Variants in CTNNAL1 observed in about 807,000 individuals in gnomAD.
CTNNAL1 encodes catenin alpha like 1, also known as alpha-catulin.
CTNNAL1 carries 69 observed loss-of-function variants against 93.6 expected under a neutral mutation model. That is an observed-to-expected ratio of 0.74 (90% CI 0.61 to 0.90). The LOEUF (loss-of-function observed/expected upper bound fraction) is 0.90, where lower values mean the gene tolerates loss of function less well. CTNNAL1 is among the 40% of genes least tolerant of loss of function. The pLI, the probability that CTNNAL1 is intolerant of heterozygous loss-of-function variation, is 0.00. For synonymous variants in CTNNAL1, 286 were observed against 305.4 expected, an observed-to-expected ratio of 0.94 and a Z score of 0.66; for missense variants, 836 against 862.0, an observed-to-expected ratio of 0.97 and a Z score of 0.38.
intron 11 of CTNNAL1, 60 bp from the exon 12 acceptor site, chr9:108,955,887 A>G: frequency 9.3e-7 from 1 of 1,077,760 alleles, no homozygotes. Flanking sequence ...TCTATTATTC[A>G]TAGTTAACTT....
chr9:108,943,606 A>G, intron 17 of CTNNAL1, 97 bp downstream of exon 17: 1 of 923,448 alleles, frequency 1.1e-6, no homozygotes, highest in South Asian at 1.9e-5. Context: ...AAGGAAATAA[A>G]TTGCCCTTCT....
intron 1 of CTNNAL1, among the ~76,000 whole-genome samples, chr9:109,005,711 G>A (rs145052344): frequency 1.2e-4 from 19 of 152,262 alleles, no homozygotes; most frequent in African/African-American, 4.3e-4. Context: ...ATAGCAATCC[G>A]AACAGATTAA....
In CTNNAL1 at chr9:108,983,288, A is replaced by T. The variant is rs1456372498; in HGVS notation, c.757T>A (p.Ser253Thr). 16 of 1,560,506 alleles carry T rather than the reference A, an allele frequency of 1.0e-5. No individual in the cohort carries two copies. The highest frequency in any genetic ancestry group is 1.4e-5 in the Non-Finnish European group (16 of 1,154,826). ...KTCLRHPNCESAHKNKEGVFD... is the reference protein window; with the variant it reads ...KTCLRHPNCETAHKNKEGVFD... ...ACTCCTTCTTTGTTTTTATGGGCTG[A>T]TTCGCAGTTAGGATGCCTCAGACAT... The change falls in exon 6 of 19, where the codon TCA becomes ACA. Residue 253 changes from serine (S) to threonine (T), a missense_variant. By Grantham distance (58) the Ser-to-Thr change is moderately conservative. Coordinates refer to ENST00000325551, the MANE Select transcript of CTNNAL1 (RefSeq NM_003798.4).
chr9:108,962,269 C>T (rs1271619217), intron 11 of CTNNAL1, among the ~76,000 whole-genome samples: 1 of 152,178 alleles, frequency 6.6e-6, no homozygotes, highest in Non-Finnish European at 1.5e-5. Flanking sequence ...GAGATGGCAG[C>T]TACTATTATT....
intron 4 of CTNNAL1, among the ~76,000 whole-genome samples, chr9:108,987,900 G>A (rs1831665721): frequency 1.3e-5 from 2 of 152,216 alleles, no homozygotes; most frequent in Admixed American, 6.5e-5. Flanking sequence ...CTTTGCTGAA[G>A]TTGCTTATCA....
intron 11 of CTNNAL1, among the ~76,000 whole-genome samples, chr9:108,956,213 T>C (rs1158666836): frequency 6.6e-6 from 1 of 152,234 alleles, no homozygotes; most frequent in Non-Finnish European, 1.5e-5. Flanking sequence ...CTTCCATTTC[T>C]GCAAGTACCA....
At chr9:108,945,923 C>T (rs1207112114) in intron 15 of CTNNAL1, among the ~76,000 whole-genome samples, 1 of 152,158 alleles carries the variant, frequency 6.6e-6, no homozygotes, top group Non-Finnish European at 1.5e-5. Flanking sequence ...CCCTCTAAAT[C>T]TAGTGTTCTC....
chr9:108,949,417 T>A (rs867737347), intron 14 of CTNNAL1, among the ~76,000 whole-genome samples: 4 of 152,156 alleles, frequency 2.6e-5, no homozygotes, highest in Non-Finnish European at 5.9e-5. Context: ...AATCTTTTTT[T>A]AAAAAGTTGG....
rs1182722546 is a variant in CTNNAL1, at chr9:108,979,241, A to G, written c.1101+40T>C. On this transcript the variant is annotated intron_variant, in intron 7 of 18. Coordinates refer to ENST00000325551, the MANE Select transcript of CTNNAL1 (RefSeq NM_003798.4). The stretch of plus-strand genomic sequence containing the variant: ...TCTTGCAAAACTTTATGGGAAAGCC[A>G]TTATATAAGATTTACTTTGATTTTA... The G allele has an allele frequency of 1.9e-6, 3 of 1,609,764 alleles. No homozygotes were observed. In the East Asian group the frequency reaches 6.7e-5, roughly 36 times the overall value.
chr9:108,961,037 C>T (rs1453862779), intron 11 of CTNNAL1, among the ~76,000 whole-genome samples: 2 of 151,604 alleles, frequency 1.3e-5, no homozygotes, highest in Admixed American at 6.6e-5. Flanking sequence ...TATTGCTTAG[C>T]GTGATGTTTA....
chr9:108,955,355 T>C (rs1300198363), intron 12 of CTNNAL1, among the ~76,000 whole-genome samples: 1 of 152,196 alleles, frequency 6.6e-6, no homozygotes, highest in African/African-American at 2.4e-5. Flanking sequence ...TACCACTCTG[T>C]ATCTCTTTCC....
At chr9:108,951,366 A>T (rs1156879891) in intron 14 of CTNNAL1, among the ~76,000 whole-genome samples, 2 of 151,966 alleles carry the variant, frequency 1.3e-5, no homozygotes, top group Non-Finnish European at 2.9e-5. Flanking sequence ...GAGATCCTTC[A>T]CTACTTTAAT....
At chr9:109,013,166 C>T (rs910091381) in intron 1 of CTNNAL1, 136 bp downstream of exon 1, 6 of 1,118,980 alleles carry the variant, frequency 5.4e-6, no homozygotes, top group African/African-American at 1.7e-5. Flanking sequence ...CCCACACAGG[C>T]GGTCCGACAA....
At chr9:108,946,452 TG>T (rs1419455298) in intron 15 of CTNNAL1, among the ~76,000 whole-genome samples, 1 of 152,184 alleles carries the variant, frequency 6.6e-6, no homozygotes, top group Non-Finnish European at 1.5e-5. Context: ...GCACTTGTTT[TG>T]GCTATCTAAA....
Position 108,983,183 on chromosome 9 carries a change from A to G in CTNNAL1, c.862T>C (p.Ser288Pro). The change falls in exon 6 of 19, where the codon TCA becomes CCA. Residue 288 changes from serine (S) to proline (P), a missense_variant. Physicochemically the swap from Ser to Pro is moderately conservative, Grantham distance 74. Coordinates refer to ENST00000325551, the MANE Select transcript of CTNNAL1 (RefSeq NM_003798.4). ...DCKPNGETDI[S>P]SISIFTGIKE... is the part of the protein sequence containing the mutation. ...ATTCCAGTAAAAATACTGATAGATGAAATGTCAGTCTCTCCATTCGGTTTA... is the reference window on the plus strand; with the variant it reads ...ATTCCAGTAAAAATACTGATAGATGGAATGTCAGTCTCTCCATTCGGTTTA... 1 of 1,568,366 alleles carries G rather than the reference A, an allele frequency of 6.4e-7. No individual in the cohort carries two copies. The highest frequency in any genetic ancestry group is 8.6e-7 in the Non-Finnish European group (1 of 1,157,790).
At chr9:108,949,561 A>C (rs977156723) in intron 14 of CTNNAL1, among the ~76,000 whole-genome samples, 2 of 151,952 alleles carry the variant, frequency 1.3e-5, no homozygotes, top group African/African-American at 4.8e-5. Context: ...TACAAAAATT[A>C]GGCCAGGTGT....
At chr9:108,953,911 CT>C (rs1830629151) in intron 12 of CTNNAL1, among the ~76,000 whole-genome samples, 1 of 152,170 alleles carries the variant, frequency 6.6e-6, no homozygotes, top group South Asian at 2.1e-4. Flanking sequence ...GTCACATCAT[CT>C]TTATCTCCAT....
intron 1 of CTNNAL1, among the ~76,000 whole-genome samples, chr9:109,008,388 C>A (rs1442964065): frequency 6.6e-6 from 1 of 152,058 alleles, no homozygotes; most frequent in Non-Finnish European, 1.5e-5. Flanking sequence ...CTCAGGTGAT[C>A]CACCCACCTC....
chr9:108,970,608 A>C, intron 9 of CTNNAL1, 114 bp from the exon 10 acceptor site: 2 of 853,330 alleles, frequency 2.3e-6, no homozygotes, highest in East Asian at 6.1e-5. Flanking sequence ...AAAACCTATT[A>C]AAATAAACTT....
Sources: gnomAD v4.1 joint callset for allele counts (sites outside exome capture counted in the v4.1 genomes callset) on GRCh38, gnomAD v4.1.1 for gene constraint, MANE v1.5 for transcripts, NCBI Gene and HGNC (gene_info 2026-07-23, HGNC 2026-07-21) for gene names.